Variants in SDK1 observed in about 807,000 individuals in gnomAD.
The protein encoded by SDK1 is protein sidekick-1.
Under a neutral mutation model 245.5 loss-of-function variants are expected in SDK1, and 157 were observed. The observed-to-expected ratio is 0.64, with a 90% CI of 0.56 to 0.73. The LOEUF is 0.73. Ranked by LOEUF, SDK1 falls within the 30% of genes least tolerant of loss-of-function variation. The pLI is 0.00. For missense variants in SDK1, 3,583 were observed against 3,002.3 expected (o/e 1.19, Z -4.52); for synonymous variants, 1,647 against 1,278.5 (o/e 1.29, Z -6.15).
rs181979240 is a variant in SDK1, at chr7:3,463,053, A to G, written c.299-156027A>G. On this transcript the variant is annotated intron_variant, in intron 1 of 44. Transcript: ENST00000404826. Reference sequence around the variant, plus strand: ...GAATTGTGCCTTGTTCCCTCCTGCTATGGGGCTTTGCACTTGTTTCTTGCC... The same window carrying G: ...GAATTGTGCCTTGTTCCCTCCTGCTGTGGGGCTTTGCACTTGTTTCTTGCC... Among the ~76,000 whole-genome samples the G allele has an allele frequency of 1.6e-3, 249 of 152,094 alleles. 5 individuals carry two copies. The Middle Eastern group carries it at 0.02, about 12-fold the overall frequency.
At chr7:3,996,513 A>G (rs1262883384) in intron 14 of SDK1, among the ~76,000 whole-genome samples, 2 of 152,174 alleles carry the variant, frequency 1.3e-5, no homozygotes, top group East Asian at 3.8e-4. Context: ...ATGCATCCCT[A>G]TTTATTCAGC....
intron 1 of SDK1, among the ~76,000 whole-genome samples, chr7:3,538,674 C>G (rs574238758): frequency 1.4e-3 from 211 of 152,288 alleles, no homozygotes; most frequent in Non-Finnish European, 1.3e-3. Context: ...TTCCTCGTGT[C>G]TGCCCACCCG....
At chr7:3,318,680 A>G (rs975606755) in intron 1 of SDK1, among the ~76,000 whole-genome samples, 2 of 152,128 alleles carry the variant, frequency 1.3e-5, no homozygotes, top group African/African-American at 4.8e-5. Context: ...CAAATGTTAC[A>G]TATTTCTTTT....
At chr7:3,565,084 G>A (rs1779867913) in intron 1 of SDK1, among the ~76,000 whole-genome samples, 1 of 151,764 alleles carries the variant, frequency 6.6e-6, no homozygotes, top group Non-Finnish European at 1.5e-5. Flanking sequence ...ACAGGAAGTT[G>A]CTACTACTGT....
chr7:3,529,810 A>G (rs549520685), intron 1 of SDK1, among the ~76,000 whole-genome samples: 1 of 152,198 alleles, frequency 6.6e-6, no homozygotes, highest in African/African-American at 2.4e-5. Flanking sequence ...CTATGCTCAC[A>G]TCACGTGCCT....
chr7:3,771,266 T>C (rs574675126), intron 4 of SDK1, among the ~76,000 whole-genome samples: 21 of 152,190 alleles, frequency 1.4e-4, no homozygotes, highest in African/African-American at 4.6e-4. Flanking sequence ...GCACAAGCCC[T>C]CTTGGAATTG....
At chr7:3,946,763 G>A (rs761746948) in intron 5 of SDK1, among the ~76,000 whole-genome samples, 14 of 152,120 alleles carry the variant, frequency 9.2e-5, no homozygotes, top group Non-Finnish European at 1.5e-4. Flanking sequence ...AGAATGCAGC[G>A]GAGGAGAGTC....
chr7:3,464,913 C>T (rs1410266513), intron 1 of SDK1, among the ~76,000 whole-genome samples: 2 of 151,634 alleles, frequency 1.3e-5, no homozygotes, highest in Admixed American at 6.6e-5. Flanking sequence ...GATTTTTTTT[C>T]CCTTTAGTAT....
chr7:3,805,482 C>T (rs1023154525), intron 4 of SDK1, among the ~76,000 whole-genome samples: 1 of 152,210 alleles, frequency 6.6e-6, no homozygotes, highest in African/African-American at 2.4e-5. Context: ...ATAAGATGTT[C>T]TGGGTTCCTC....
intron 20 of SDK1, among the ~76,000 whole-genome samples, chr7:4,073,876 G>C (rs1780434272): frequency 6.6e-6 from 1 of 152,176 alleles, no homozygotes; most frequent in Admixed American, 6.5e-5. Context: ...TGTGTGGTGG[G>C]CAGGCACACT....
At position 4,017,226 on chromosome 7, in the gene SDK1, G is replaced by A. The variant is rs371081530; in HGVS notation, c.2476G>A (p.Glu826Lys). The A allele has an allele frequency of 1.2e-6, 2 of 1,613,978 alleles. No individual in the cohort carries two copies. The highest frequency in any genetic ancestry group is 1.7e-6 in the Non-Finnish European group (2 of 1,180,004). The change falls in exon 17 of 45, where the codon GAG (glutamate) becomes AAG (lysine). Residue 826 changes from glutamate to lysine, a missense_variant. Physicochemically the swap from Glu to Lys is moderately conservative, Grantham distance 56. Coordinates refer to ENST00000404826, the MANE Select transcript of SDK1 (RefSeq NM_152744.4). The stretch of plus-strand genomic sequence containing the variant: ...CCAGCAGCGGAACATCACCAGCCCG[G>A]AGGTGAACTACTGCCTGGTGACAGA... ...EYQQRNITSP[E>K]VNYCLVTDLI...
rs971141166 is a variant in SDK1, at chr7:3,604,693, C to A, written c.299-14387C>A. 4.0e-5 allele frequency among the ~76,000 whole-genome samples: 6 copies of A among 148,714 alleles called. No individual in the cohort carries two copies. The East Asian group carries it at 1.2e-3, about 30-fold the overall frequency. ...TCTTGGCTCACTGCAACCTCTACCTCCTGGGTTCAAGTGATTCTGCTGCCT... is the reference window on the plus strand; with the variant it reads ...TCTTGGCTCACTGCAACCTCTACCTACTGGGTTCAAGTGATTCTGCTGCCT... On this transcript the variant is annotated intron_variant, in intron 1 of 44. Transcript: ENST00000404826.
intron 4 of SDK1, among the ~76,000 whole-genome samples, chr7:3,658,613 T>G (rs761646221): frequency 1.4e-5 from 2 of 144,980 alleles, no homozygotes; most frequent in East Asian, 4.0e-4. Flanking sequence ...TATCTTCTTT[T>G]TTTTTTTTTT....
intron 1 of SDK1, among the ~76,000 whole-genome samples, chr7:3,596,832 C>G (rs1781083655): frequency 6.6e-6 from 1 of 152,156 alleles, no homozygotes; most frequent in Admixed American, 6.5e-5. Context: ...TCAGATAACA[C>G]TTATGAACAG....
At chr7:3,606,245 C>T (rs1781421972) in intron 1 of SDK1, among the ~76,000 whole-genome samples, 1 of 152,208 alleles carries the variant, frequency 6.6e-6, no homozygotes, top group African/African-American at 2.4e-5. Flanking sequence ...TTATGCTTCA[C>T]CCTTAGGCCC....
rs546125955 is a variant in SDK1, at chr7:3,731,374, C to T, written c.713+89269C>T. On this transcript the variant is annotated intron_variant, in intron 4 of 44. Coordinates refer to ENST00000404826, the MANE Select transcript of SDK1 (RefSeq NM_152744.4). ...GGAGGCGAGCCCCGGGACCGTGCCC[C>T]GAGTCAGCGTGGGAGGGCACTGTCA... 7.9e-5 allele frequency among the ~76,000 whole-genome samples: 12 copies of T among 152,258 alleles called. 1 individual carries two copies. In the South Asian group the frequency reaches 8.3e-4, roughly 11 times the overall value.
intron 4 of SDK1, among the ~76,000 whole-genome samples, chr7:3,733,741 G>A (rs1026967956): frequency 2.6e-5 from 4 of 152,156 alleles, no homozygotes; most frequent in African/African-American, 7.2e-5. Flanking sequence ...GAAACTGGAC[G>A]TTGCTTCTCT....
intron 4 of SDK1, among the ~76,000 whole-genome samples, chr7:3,702,165 C>G (rs911182703): frequency 1.3e-5 from 2 of 152,034 alleles, no homozygotes; most frequent in African/African-American, 4.8e-5. Context: ...TTTAAAACAT[C>G]TGCTCTGCAA....
chr7:3,346,530 A>G (rs188859632), intron 1 of SDK1, among the ~76,000 whole-genome samples: 12 of 151,650 alleles, frequency 7.9e-5, no homozygotes, highest in Middle Eastern at 3.4e-3. Context: ...TAATTTTTTT[A>G]ATAGTCAAGG....
Sources: allele counts gnomAD v4.1 joint callset (sites outside exome capture counted in the v4.1 genomes callset), GRCh38; gene constraint gnomAD v4.1.1; transcripts MANE v1.5; gene names NCBI Gene and HGNC (gene_info 2026-07-23, HGNC 2026-07-21).